Variants in MGAT4C observed in about 807,000 individuals in gnomAD.
MGAT4C encodes MGAT4 family member C, also known as alpha-1,3-mannosyl-glycoprotein 4-beta-N-acetylglucosaminyltransferase C.
In MGAT4C, 19 loss-of-function variants were observed where a neutral mutation model predicts 40.1. The observed-to-expected ratio is 0.47, with a 90% confidence interval of 0.33 to 0.70. MGAT4C has a LOEUF of 0.70. Ranked by LOEUF, MGAT4C falls within the 30% of genes least tolerant of loss-of-function variation. MGAT4C has a pLI of 0.02. For missense variants in MGAT4C, 491 were observed against 563.2 expected, an observed-to-expected ratio of 0.87 and a Z score of 1.30; for synonymous variants, 181 against 187.1, an observed-to-expected ratio of 0.97 and a Z score of 0.27.
At chr12:86,364,059 T>C (rs1265626444) in intron 3 of MGAT4C, among the ~76,000 whole-genome samples, 1 of 151,100 alleles carries the variant, frequency 6.6e-6, no homozygotes, top group Non-Finnish European at 1.5e-5. Context: ...ACCAATTGAG[T>C]TGGTAGTTAA....
chr12:86,491,379 T>A (rs1958130803), intron 2 of MGAT4C, among the ~76,000 whole-genome samples: 1 of 152,060 alleles, frequency 6.6e-6, no homozygotes, highest in African/African-American at 2.4e-5. Flanking sequence ...TGATGAACAT[T>A]GATGCAAAAA....
At chr12:86,346,794 G>C (rs965163347) in intron 3 of MGAT4C, among the ~76,000 whole-genome samples, 1 of 152,094 alleles carries the variant, frequency 6.6e-6, no homozygotes, top group African/African-American at 2.4e-5. Flanking sequence ...GACAGAGATA[G>C]GCAGACCGAT....
chr12:86,415,418 T>G (rs1046409708), intron 3 of MGAT4C, among the ~76,000 whole-genome samples: 1 of 151,876 alleles, frequency 6.6e-6, no homozygotes, highest in Non-Finnish European at 1.5e-5. Context: ...GGGATAATAA[T>G]TGAGAGAAGA....
intron 2 of MGAT4C, among the ~76,000 whole-genome samples, chr12:86,448,457 T>C (rs772176368): frequency 2.0e-5 from 3 of 152,186 alleles, no homozygotes; most frequent in Non-Finnish European, 4.4e-5. Flanking sequence ...CTCCTTACCC[T>C]ATCTTAATAT....
intron 2 of MGAT4C, among the ~76,000 whole-genome samples, chr12:86,028,862 G>A (rs1396613198): frequency 6.6e-6 from 1 of 151,808 alleles, no homozygotes; most frequent in Admixed American, 6.6e-5. Context: ...AATGATATAA[G>A]ATATCTCATT....
chr12:86,606,262 A>C (rs1230763045), intron 2 of MGAT4C, among the ~76,000 whole-genome samples: 1 of 152,098 alleles, frequency 6.6e-6, no homozygotes, highest in Non-Finnish European at 1.5e-5. Context: ...ACTATATACT[A>C]AATGTAGACA....
At chr12:86,321,198 T>C (rs149585457) in intron 4 of MGAT4C, among the ~76,000 whole-genome samples, 4 of 152,202 alleles carry the variant, frequency 2.6e-5, no homozygotes, top group African/African-American at 9.6e-5. Context: ...GTGTGAAAAA[T>C]TATTTTAAAA....
At chr12:86,236,347 G>T (rs780666074) in intron 1 of MGAT4C, among the ~76,000 whole-genome samples, 1 of 151,948 alleles carries the variant, frequency 6.6e-6, no homozygotes, top group Non-Finnish European at 1.5e-5. Context: ...TAGCAGCTCC[G>T]CAAAAGATAT....
intron 1 of MGAT4C, among the ~76,000 whole-genome samples, chr12:86,246,183 T>G (rs949450293): frequency 7.2e-6 from 1 of 139,162 alleles, no homozygotes; most frequent in African/African-American, 2.7e-5. Context: ...CCATTGCTTT[T>G]TTTTTTTTTT....
At chr12:86,618,735 G>T (rs1259209532) in intron 2 of MGAT4C, among the ~76,000 whole-genome samples, 1 of 152,064 alleles carries the variant, frequency 6.6e-6, no homozygotes, top group African/African-American at 2.4e-5. Context: ...CATACAGTTA[G>T]ATAGAATAAG....
At chr12:86,156,366 AG>A (rs1410501530) in intron 1 of MGAT4C, among the ~76,000 whole-genome samples, 1 of 152,182 alleles carries the variant, frequency 6.6e-6, no homozygotes, top group Non-Finnish European at 1.5e-5. Flanking sequence ...CTTGTTGTCC[AG>A]GCTGGAGTGC....
intron 2 of MGAT4C, among the ~76,000 whole-genome samples, chr12:86,528,656 T>C (rs1426967700): frequency 6.6e-6 from 1 of 152,092 alleles, no homozygotes; most frequent in Non-Finnish European, 1.5e-5. Flanking sequence ...CAAATGTTAA[T>C]GTGAAAATTT....
chr12:86,541,622 C>T (rs139395209), intron 2 of MGAT4C, among the ~76,000 whole-genome samples: 1 of 152,124 alleles, frequency 6.6e-6, no homozygotes, highest in Non-Finnish European at 1.5e-5. Context: ...ATGAAAAACT[C>T]AACCAAGTTA....
intron 3 of MGAT4C, among the ~76,000 whole-genome samples, chr12:86,375,330 T>C (rs1207468269): frequency 1.3e-5 from 2 of 152,186 alleles, no homozygotes; most frequent in African/African-American, 4.8e-5. Flanking sequence ...AAATTCTCTG[T>C]TGTGTTGTTA....
intron 3 of MGAT4C, among the ~76,000 whole-genome samples, chr12:86,352,236 A>G (rs889315741): frequency 9.2e-5 from 14 of 152,094 alleles, no homozygotes; most frequent in African/African-American, 2.9e-4. Context: ...ACATGCTTTA[A>G]AGTCTAAAAC....
intron 4 of MGAT4C, among the ~76,000 whole-genome samples, chr12:86,283,494 G>C (rs1953271550): frequency 1.3e-5 from 2 of 151,812 alleles, no homozygotes; most frequent in South Asian, 4.1e-4. Flanking sequence ...CAGGACATAA[G>C]AGAAGAAAAA....
chr12:86,229,278 C>A (rs1236179167), intron 1 of MGAT4C, among the ~76,000 whole-genome samples: 1 of 151,790 alleles, frequency 6.6e-6, no homozygotes, highest in Non-Finnish European at 1.5e-5. Flanking sequence ...AAGAATAATG[C>A]TTAAATATAT....
At chr12:86,144,243 T>TA (rs1883222081) in intron 1 of MGAT4C, among the ~76,000 whole-genome samples, 1 of 152,240 alleles carries the variant, frequency 6.6e-6, no homozygotes, top group East Asian at 1.9e-4. Context: ...ATTTCAGCTT[T>TA]AATATGCAGT....
chr12:86,136,749 C>G (rs924896747), intron 1 of MGAT4C, among the ~76,000 whole-genome samples: 1 of 152,060 alleles, frequency 6.6e-6, no homozygotes, highest in Non-Finnish European at 1.5e-5. Flanking sequence ...CATGCAATAG[C>G]GTGATCTCAG....
Sources: gnomAD v4.1 joint callset for allele counts (sites outside exome capture counted in the v4.1 genomes callset) on GRCh38, gnomAD v4.1.1 for gene constraint, MANE v1.5 for transcripts, NCBI Gene and HGNC (gene_info 2026-07-23, HGNC 2026-07-21) for gene names.